The following BOD1L1 variants were observed in gnomAD, a reference collection of about 807,000 sequenced individuals.
BOD1L1 encodes the protein biorientation of chromosomes in cell division 1 like 1.
Under a neutral mutation model 240.7 loss-of-function variants are expected in BOD1L1, and 86 were observed. The ratio of observed to expected loss-of-function variants is 0.36; its 90% confidence interval spans 0.30 to 0.43. The LOEUF (loss-of-function observed/expected upper bound fraction) is 0.43. BOD1L1 is among the 20% of genes least tolerant of loss of function. BOD1L1 has a pLI of 1.00. For synonymous variants in BOD1L1, 1,268 were observed against 1,272.3 expected (o/e 1.00, Z 0.07); for missense variants, 3,554 against 3,643.5 (o/e 0.98, Z 0.63).
At chr4:13,583,482 A>G (rs1315600517) in intron 17 of BOD1L1, among the ~76,000 whole-genome samples, 1 of 152,142 alleles carries the variant, frequency 6.6e-6, no homozygotes, top group Non-Finnish European at 1.5e-5. Flanking sequence ...CGATTTCCCT[A>G]CTTGGATGCA....
At chr4:13,581,996 A>G (rs1006496291) in intron 19 of BOD1L1, among the ~76,000 whole-genome samples, 1 of 152,170 alleles carries the variant, frequency 6.6e-6, no homozygotes, top group African/African-American at 2.4e-5. Flanking sequence ...AGCTGATCCT[A>G]TCTGGCTATG....
intron 25 of BOD1L1, among the ~76,000 whole-genome samples, chr4:13,572,512 G>A (rs889516485): frequency 6.6e-6 from 1 of 152,200 alleles, no homozygotes; most frequent in Admixed American, 6.5e-5. Context: ...AGTCCACTGC[G>A]GCAAGGCCAG....
In BOD1L1 at chr4:13,614,472, AATT is replaced by A. The variant is rs757287424; in HGVS notation, c.895_897del (p.Asn299del). The A allele has an allele frequency of 1.2e-6, 2 of 1,613,390 alleles. No individual in the cohort carries two copies. The highest frequency in any genetic ancestry group is 1.7e-6 in the Non-Finnish European group (2 of 1,179,758). ...TGAACATCCTTATTTAGCAGAATTA[AATT>A]ATTATGCTCTTTTGTGTAATTTTTA... On this transcript the variant is annotated inframe_deletion, in exon 4 of 26. Transcript: ENST00000040738.
intron 14 of BOD1L1, among the ~76,000 whole-genome samples, chr4:13,589,345 TAC>T (rs1462955008): frequency 1.3e-5 from 2 of 152,172 alleles, no homozygotes; most frequent in African/African-American, 4.8e-5. Flanking sequence ...TATGAGAACA[TAC>T]ACAGTAGCAT....
chr4:13,601,566 A>C lies in BOD1L1; in HGVS notation c.5334T>G (p.Asp1778Glu). The change falls in exon 10 of 26, where the codon GAT becomes GAG. Residue 1778 changes from aspartate to glutamate, a missense_variant. Asp to Glu is a conservative substitution (Grantham distance 45, BLOSUM62 2). Around this residue, in one of 2 missense-constraint regions of BOD1L1, gnomAD observed 3,393 missense variants for 3,427.1 expected, o/e 0.99. Coordinates refer to ENST00000040738, the MANE Select transcript of BOD1L1 (RefSeq NM_148894.3). The part of the protein sequence containing the change: ...PPGTSASQEG[D>E]GSVNDGTEGE... Reference sequence around the variant, plus strand: ...CTTCTGTACCATCATTCACAGAACCATCTCCTTCTTGGCTGGCACTTGTTC... The same window carrying C: ...CTTCTGTACCATCATTCACAGAACCCTCTCCTTCTTGGCTGGCACTTGTTC... The C allele has an allele frequency of 6.2e-7, 1 of 1,613,756 alleles. No individual in the cohort carries two copies.
chr4:13,573,281 G>A (rs1712364058), intron 25 of BOD1L1, among the ~76,000 whole-genome samples: 1 of 152,126 alleles, frequency 6.6e-6, no homozygotes, highest in Admixed American at 6.5e-5. Flanking sequence ...AAAGGAACTT[G>A]TTTAGCTGGT....
intron 25 of BOD1L1, among the ~76,000 whole-genome samples, chr4:13,575,386 AT>A (rs1712626552): frequency 6.6e-6 from 1 of 151,864 alleles, no homozygotes; most frequent in African/African-American, 2.4e-5. Flanking sequence ...AATTAAAAAA[AT>A]ATATATTTTT....
chr4:13,591,561 T>C lies in BOD1L1; in HGVS notation c.8148+362A>G, dbSNP rs189460827. ...TGTACACATAGCAGTTACAGGTTAG[T>C]ATCTTGAGAAAAGCTTTCTAAAAAC... On this transcript the variant is annotated intron_variant, in intron 13 of 25. Coordinates refer to ENST00000040738, the MANE Select transcript of BOD1L1 (RefSeq NM_148894.3). Among the ~76,000 whole-genome samples the C allele has an allele frequency of 3.6e-4, 55 of 152,374 alleles. No homozygotes were observed. In the East Asian group the frequency reaches 9.8e-3, roughly 27 times the overall value.
intron 24 of BOD1L1, 113 bp from the exon 25 acceptor site, chr4:13,577,104 G>A: frequency 7.9e-7 from 1 of 1,269,956 alleles, no homozygotes; most frequent in Non-Finnish European, 1.1e-6. Context: ...GCAGAGAAAT[G>A]GTTTTCCACT....
intron 25 of BOD1L1, among the ~76,000 whole-genome samples, chr4:13,576,445 G>A (rs1473377782): frequency 4.6e-5 from 7 of 152,158 alleles, no homozygotes; most frequent in African/African-American, 9.7e-5. Flanking sequence ...ATGACGGTGC[G>A]TGGGCCTGGT....
At chr4:13,625,956 T>C (rs1717355387) in intron 1 of BOD1L1, 1 of 152,232 alleles carries the variant, frequency 6.6e-6, no homozygotes, top group Non-Finnish European at 1.5e-5. Context: ...ATAGTGGAAC[T>C]GTGTGCAGTT....
In BOD1L1 at chr4:13,575,673, C is replaced by T. The variant is rs545471199; in HGVS notation, c.9038+1165G>A. Among the ~76,000 whole-genome samples, 21 of 152,232 alleles carry T rather than the reference C, an allele frequency of 1.4e-4. No individual in the cohort carries two copies. The South Asian group carries it at 2.7e-3, about 20-fold the overall frequency. ...TGTTGGGATTACAAGCATGAGCTAC[C>T]GTGCTCAGCCTGGAAAATATTCATG... On this transcript the variant is annotated intron_variant, in intron 25 of 25. Transcript: ENST00000040738.
In BOD1L1 at chr4:13,601,369, A is replaced by G. The variant is rs139560493; in HGVS notation, c.5531T>C (p.Val1844Ala). 524 of 1,613,976 alleles carry G rather than the reference A, an allele frequency of 3.2e-4. 1 individual carries two copies. Among genetic ancestry groups the G allele is most frequent in the Non-Finnish European group, 2.9e-4 (347 of 1,179,894 alleles). Residue 1844 changes from valine (V) to alanine (A), a missense_variant, in exon 10 of 26, where the codon GTT (valine) becomes GCT (alanine). Physicochemically the swap from Val to Ala is moderately conservative, Grantham distance 64 (BLOSUM62 0). This residue lies in a region of BOD1L1 where 3,393 missense variants were observed against 3,427.1 expected (regional missense o/e 0.99). Transcript: ENST00000040738. ...TTCATCATCACAAGGACCAGCAGCA[A>G]CTAATGGTACATTAGTGCCTTCTTT... is the stretch of plus-strand genomic sequence containing the variant. The part of the protein sequence containing the change: ...VAKEGTNVPL[V>A]AAGPCDDEGI...
Position 13,602,976 on chromosome 4 carries a change from A to G in BOD1L1, c.3924T>C (p.Thr1308=), listed in dbSNP as rs369781892. 2 of 1,613,894 alleles carry G rather than the reference A, an allele frequency of 1.2e-6. No individual in the cohort carries two copies. The highest frequency in any genetic ancestry group is 2.7e-5 in the African/African-American group (2 of 74,922). The change falls in exon 10 of 26, where the codon ACT becomes ACC. Residue 1308 remains threonine (T), a synonymous_variant. Coordinates refer to ENST00000040738, the MANE Select transcript of BOD1L1 (RefSeq NM_148894.3). ...TGCTGGCTGTGCTACCTTCCAAAAC[A>G]GTTCTTTTGTCAAACAGAGGAATTA... is the stretch of plus-strand genomic sequence containing the variant. ...PDVIPLFDKR[T]VLEGSTASTS...
In BOD1L1 at chr4:13,581,011, A is replaced by G. The variant is rs758186698; in HGVS notation, c.8703+9T>C. On this transcript the variant is annotated intron_variant, in intron 21 of 25. Coordinates refer to ENST00000040738, the MANE Select transcript of BOD1L1 (RefSeq NM_148894.3). ...GTATTTGAAATTGTCATGTTTTGCAATTACTTACAGTGACAATGCCAGTAT... is the reference window on the plus strand; with the variant it reads ...GTATTTGAAATTGTCATGTTTTGCAGTTACTTACAGTGACAATGCCAGTAT... The G allele has an allele frequency of 1.3e-5, 21 of 1,572,474 alleles. No individual in the cohort carries two copies. Among genetic ancestry groups the G allele is most frequent in the Non-Finnish European group, 1.8e-5 (21 of 1,158,372 alleles).
chr4:13,601,192 T>C lies in BOD1L1; in HGVS notation c.5708A>G (p.Glu1903Gly), dbSNP rs1020525668. Residue 1903 changes from glutamate (E) to glycine (G), a missense_variant, in exon 10 of 26, where the codon GAA becomes GGA. Around this residue, in one of 2 missense-constraint regions of BOD1L1, gnomAD observed 3,393 missense variants for 3,427.1 expected, o/e 0.99. Transcript: ENST00000040738. ...SEGVLICESA[E>G]GDSQIGTVVE... is the part of the protein sequence containing the mutation. ...CACAGTACCAATCTGACTGTCCCCT[T>C]CTGCACTTTCACAAATCAAGACCCC... The C allele has an allele frequency of 1.2e-6, 2 of 1,614,032 alleles. No individual in the cohort carries two copies. Among genetic ancestry groups the C allele is most frequent in the Admixed American group, 1.7e-5 (1 of 60,024 alleles).
intron 10 of BOD1L1, 102 bp from the exon 11 acceptor site, chr4:13,597,270 C>A: frequency 2.5e-6 from 2 of 801,196 alleles, no homozygotes; most frequent in Admixed American, 4.7e-5. Context: ...TGCTGTTGCA[C>A]CTTCCTTTTC....
intron 25 of BOD1L1, among the ~76,000 whole-genome samples, chr4:13,573,222 A>G (rs1309563519): frequency 6.6e-6 from 1 of 152,222 alleles, no homozygotes; most frequent in African/African-American, 2.4e-5. Flanking sequence ...CAAGTAGTCA[A>G]CTGCACAAGA....
rs760963586 is a variant in BOD1L1 at position 13,609,395 on chromosome 4, T to C, written c.1503A>G (p.Lys501=). Residue 501 remains lysine (K), a synonymous_variant, in exon 7 of 26, where the codon AAA becomes AAG. Coordinates refer to ENST00000040738, the MANE Select transcript of BOD1L1 (RefSeq NM_148894.3). Reference sequence around the variant, plus strand: ...TTTGCCTTCTTAAAAGCCTCTCTTCTTTTTCTTTGGCCTAAAACCACAAAA... The same window carrying C: ...TTTGCCTTCTTAAAAGCCTCTCTTCCTTTTCTTTGGCCTAAAACCACAAAA... ...EQRRQSIAKE[K]EERLLRRQIN... 19 of 1,521,238 alleles carry C rather than the reference T, an allele frequency of 1.2e-5. No individual in the cohort carries two copies. The highest frequency in any genetic ancestry group is 1.7e-4 in the Middle Eastern group (1 of 5,818). The allele number at this position is 1,521,238 out of a possible 1,614,324, so 94.2% of individuals were successfully genotyped here.
Sources: gnomAD v4.1 joint callset for allele counts (sites outside exome capture counted in the v4.1 genomes callset) on GRCh38, gnomAD v4.1.1 for gene constraint, gnomAD v4.1.1 regional missense constraint, MANE v1.5 for transcripts, NCBI Gene and HGNC (gene_info 2026-07-23, HGNC 2026-07-21) for gene names.